MYT1: variants seen among roughly 807,000 people sequenced by gnomAD.
The protein encoded by MYT1 is myelin transcription factor I.
MYT1 carries 23 observed loss-of-function variants against 123.0 expected under a neutral mutation model. The observed-to-expected ratio is 0.19, with a 90% confidence interval of 0.13 to 0.26. The LOEUF is 0.26. Among genes scored for constraint, MYT1 ranks in the 10% least tolerant of loss-of-function variants. The pLI is 1.00. For synonymous variants in MYT1, 518 were observed against 575.3 expected (o/e 0.90, Z 1.43); for missense variants, 1,125 against 1,472.5 (o/e 0.76, Z 3.86).
At chr20:64,197,854 A>G (rs1435666522) in intron 2 of MYT1, among the ~76,000 whole-genome samples, 1 of 152,124 alleles carries the variant, frequency 6.6e-6, no homozygotes, top group African/African-American at 2.4e-5. Flanking sequence ...GGTCAGATTC[A>G]AGGATCACAG....
At chr20:64,172,577 C>T (rs549031225) in intron 1 of MYT1, among the ~76,000 whole-genome samples, 2 of 152,048 alleles carry the variant, frequency 1.3e-5, no homozygotes, top group Admixed American at 6.6e-5. Context: ...GAAAGCTGAA[C>T]GGTTCTAAGA....
chr20:64,221,066 T>A (rs1419200094), intron 13 of MYT1, among the ~76,000 whole-genome samples: 1 of 152,204 alleles, frequency 6.6e-6, no homozygotes, highest in African/African-American at 2.4e-5. Context: ...ATCCGAAGAC[T>A]GTTATTATGC....
chr20:64,169,335 C>G (rs1982175311), intron 1 of MYT1, among the ~76,000 whole-genome samples: 1 of 152,226 alleles, frequency 6.6e-6, no homozygotes, highest in African/African-American at 2.4e-5. Context: ...AGGCGCGTCC[C>G]CAATCCCGGT....
chr20:64,216,580 A>C (rs2145722354), intron 10 of MYT1, among the ~76,000 whole-genome samples: 1 of 152,298 alleles, frequency 6.6e-6, no homozygotes, highest in Non-Finnish European at 1.5e-5. Flanking sequence ...ACTCCTCAGA[A>C]ATGCACCTGA....
At chr20:64,197,915 C>T (rs1190526856) in intron 2 of MYT1, among the ~76,000 whole-genome samples, 1 of 152,198 alleles carries the variant, frequency 6.6e-6, no homozygotes, top group East Asian at 1.9e-4. Flanking sequence ...CCCTCGAGGC[C>T]TGGAGAACAT....
At chr20:64,215,704 C>T (rs1983816648) in intron 10 of MYT1, among the ~76,000 whole-genome samples, 2 of 151,954 alleles carry the variant, frequency 1.3e-5, no homozygotes. Context: ...CCCACCTCAG[C>T]CTCCCGAGTA....
At chr20:64,165,556 G>C (rs1982055955) in intron 1 of MYT1, among the ~76,000 whole-genome samples, 1 of 152,290 alleles carries the variant, frequency 6.6e-6, no homozygotes, top group African/African-American at 2.4e-5. Context: ...AACAAGTGCT[G>C]GTGGCTTTGT....
At chr20:64,207,229 A>T (rs1320531501) in intron 6 of MYT1, among the ~76,000 whole-genome samples, 2 of 152,272 alleles carry the variant, frequency 1.3e-5, no homozygotes, top group East Asian at 1.9e-4. Flanking sequence ...TTATTTTTTT[A>T]AAATCTGACT....
At position 64,240,773 on chromosome 20, in the gene MYT1, G is replaced by A. The variant is rs1439025146; in HGVS notation, c.*325G>A. 1 of 268,368 alleles carries A rather than the reference G, an allele frequency of 3.7e-6. No individual in the cohort carries two copies. The highest frequency in any genetic ancestry group is 2.2e-5 in the African/African-American group (1 of 45,306). The allele number at this position is 268,368 out of a possible 1,614,324, so 16.6% of individuals were successfully genotyped here. On this transcript the variant is annotated 3_prime_UTR_variant, in exon 23 of 23. Coordinates refer to ENST00000328439, the MANE Select transcript of MYT1 (RefSeq NM_004535.3). ...ACAAGGTTCTCAGGGAAGTTTTGGA[G>A]TTTGCAACCACAGTATTCCTTTGTC...
At position 64,213,953 on chromosome 20, in the gene MYT1, G is replaced by A. The variant is rs1408762280; in HGVS notation, c.1631+306G>A. Among the ~76,000 whole-genome samples the A allele has an allele frequency of 6.6e-6, 1 of 152,222 alleles. No individual in the cohort carries two copies. The highest frequency in any genetic ancestry group is 6.5e-5 in the Admixed American group (1 of 15,286). On this transcript the variant is annotated intron_variant, in intron 10 of 22. Transcript: ENST00000328439. This position sits in a 1 kb window ranked among gnomAD's most constrained non-coding sequence, Gnocchi z 5.6. ...CATGGGGCTCTGCCTCCTTGGAGTC[G>A]TCTGATGTGACCACTTGAGGCCCCT...
chr20:64,179,136 T>TA (rs1247193781), intron 1 of MYT1, among the ~76,000 whole-genome samples: 1 of 150,134 alleles, frequency 6.7e-6, no homozygotes, highest in African/African-American at 2.5e-5. Context: ...ACTGAGCTGT[T>TA]ATTCAGTGGG....
Position 64,207,736 on chromosome 20 carries a change from G to A in MYT1, c.540G>A (p.Val180=). The change falls in exon 7 of 23, where the codon GTG becomes GTA. Residue 180 remains valine (V), a synonymous_variant. Transcript: ENST00000328439. Reference sequence around the variant, plus strand: ...GTCAAATTGCTGAAGAGACCCTGGTGGAAGAGGACTTGGGCCAGGCGGCCA... The same window carrying A: ...GTCAAATTGCTGAAGAGACCCTGGTAGAAGAGGACTTGGGCCAGGCGGCCA... The part of the protein sequence containing the change: ...NLGQIAEETL[V]EEDLGQAAKP... 1.9e-6 allele frequency: 3 copies of A among 1,614,056 alleles called. No homozygotes were observed. The South Asian group carries it at 3.3e-5, about 18-fold the overall frequency.
intron 17 of MYT1, 144 bp from the exon 18 acceptor site, chr20:64,227,744 T>G (rs1168495325): frequency 3.8e-6 from 3 of 786,454 alleles, no homozygotes; most frequent in Non-Finnish European, 6.0e-6. Flanking sequence ...GGATTCTGCT[T>G]CTTACAACTG....
Position 64,205,676 on chromosome 20 carries a change from C to T in MYT1, c.273C>T (p.Ser91=), listed in dbSNP as rs201204214. 7 of 1,614,148 alleles carry T rather than the reference C, an allele frequency of 4.3e-6. No homozygotes were observed. The highest frequency in any genetic ancestry group is 2.2e-5 in the East Asian group (1 of 44,884). The change falls in exon 6 of 23, where the codon AGC becomes AGT. Residue 91 remains serine (S), a synonymous_variant. Transcript: ENST00000328439. Reference sequence around the variant, plus strand: ...TGGACGAGGGCTATGGTGTGGACAGCGACGGCAGTGAGGACACTGAGGTGA... The same window carrying T: ...TGGACGAGGGCTATGGTGTGGACAGTGACGGCAGTGAGGACACTGAGGTGA... The part of the protein sequence containing the change: ...LALDEGYGVD[S]DGSEDTEVKD...
At chr20:64,172,540 A>G (rs529154396) in intron 1 of MYT1, among the ~76,000 whole-genome samples, 6 of 152,130 alleles carry the variant, frequency 3.9e-5, no homozygotes, top group Non-Finnish European at 2.9e-5. Context: ...GCAGAAGGAG[A>G]TGGCCATTTC....
rs777181198 is a variant in MYT1, at chr20:64,227,463, C to T, written c.2577C>T (p.Tyr859=). Residue 859 remains tyrosine, a synonymous_variant, in exon 17 of 23, where the codon TAC becomes TAT. Coordinates refer to ENST00000328439, the MANE Select transcript of MYT1 (RefSeq NM_004535.3). ...GCTCTGGCCACATCACAGGGAACTA[C>T]GCTTCACACCGGAGGTGAGCCTGCC... is the stretch of plus-strand genomic sequence containing the variant. ...CDGSGHITGN[Y]ASHRSLSGCP... is the part of the protein sequence containing the mutation. The T allele has an allele frequency of 5.9e-5, 95 of 1,612,456 alleles. No homozygotes were observed. Among genetic ancestry groups the T allele is most frequent in the Non-Finnish European group, 7.0e-5 (83 of 1,179,722 alleles).
At position 64,212,958 on chromosome 20, in the gene MYT1, C is replaced by T. The variant is rs937529732; in HGVS notation, c.1518-576C>T. On this transcript the variant is annotated intron_variant, in intron 9 of 22. Transcript: ENST00000328439. The surrounding 1 kb of genome is among the most constrained non-coding windows in gnomAD (Gnocchi z 6.8). ...GCCAGTTCCCCATTACGTCACCTCC[C>T]TGGGCTGGCTGAGGGACTGGCGCTG... 6.6e-6 allele frequency among the ~76,000 whole-genome samples: 1 copy of T among 152,200 alleles called. No homozygotes were observed. The highest frequency in any genetic ancestry group is 6.5e-5 in the Admixed American group (1 of 15,284).
At chr20:64,201,082 G>T (rs752056658) in intron 4 of MYT1, among the ~76,000 whole-genome samples, 1 of 152,232 alleles carries the variant, frequency 6.6e-6, no homozygotes, top group Non-Finnish European at 1.5e-5. Context: ...AGACAAAGAC[G>T]GAGGAGAATC....
At chr20:64,207,301 G>A (rs1983510591) in intron 6 of MYT1, among the ~76,000 whole-genome samples, 2 of 152,206 alleles carry the variant, frequency 1.3e-5, no homozygotes, top group African/African-American at 4.8e-5. Context: ...TAAACGTGAT[G>A]GGAGAGGAAC....
Sources: allele counts gnomAD v4.1 joint callset (sites outside exome capture counted in the v4.1 genomes callset), GRCh38; gene constraint gnomAD v4.1.1; non-coding constraint Gnocchi (gnomAD v3.1); transcripts MANE v1.5; gene names NCBI Gene and HGNC (gene_info 2026-07-23, HGNC 2026-07-21).